The following NID2 variants were observed in gnomAD, a reference collection of about 807,000 sequenced individuals.
NID2 encodes nidogen-2.
NID2 carries 83 observed loss-of-function variants against 145.4 expected under a neutral mutation model. The ratio of observed to expected loss-of-function variants is 0.57; its 90% CI spans 0.48 to 0.69. The LOEUF is 0.69. Among genes scored for constraint, NID2 ranks in the 30% least tolerant of loss-of-function variants. NID2 has a pLI of 0.00. For missense variants in NID2, 1,807 were observed against 1,765.7 expected (o/e 1.02, Z -0.42); for synonymous variants, 739 against 701.3 (o/e 1.05, Z -0.85).
chr14:52,013,001 T>C (rs1426048519), intron 16 of NID2, among the ~76,000 whole-genome samples: 1 of 152,186 alleles, frequency 6.6e-6, no homozygotes, highest in Non-Finnish European at 1.5e-5. Context: ...GCAGCTTATA[T>C]GGGGGGCGGG....
At chr14:52,061,406 A>C (rs963808382) in intron 2 of NID2, among the ~76,000 whole-genome samples, 20 of 152,330 alleles carry the variant, frequency 1.3e-4, no homozygotes, top group African/African-American at 4.8e-4. Context: ...CCAAGTGTCT[A>C]CTTAAGCACC....
chr14:52,018,832 G>A (rs1005640637), intron 14 of NID2, among the ~76,000 whole-genome samples: 5 of 152,200 alleles, frequency 3.3e-5, no homozygotes, highest in Admixed American at 1.3e-4. Context: ...TACTGGACAA[G>A]GGTCTAAGAG....
chr14:52,015,133 C>A lies in NID2; in HGVS notation c.3171G>T (p.Lys1057Asn), dbSNP rs751334863. The change falls in exon 15 of 22, where the codon AAG becomes AAT. Residue 1057 changes from lysine to asparagine, a missense_variant. By Grantham distance (94) the Lys-to-Asn change is moderately conservative. Transcript: ENST00000216286. ...TGTCCACACACCAGCAGAAGTCGCT[C>A]TTTCCGTGGCACTGCAGGGGGATGA... Reference protein sequence around the residue: ...GHFIPLQCHGKSDFCWCVDKD... With the variant: ...GHFIPLQCHGNSDFCWCVDKD... 2.5e-6 allele frequency: 4 copies of A among 1,614,154 alleles called. No homozygotes were observed. The highest frequency in any genetic ancestry group is 3.4e-6 in the Non-Finnish European group (4 of 1,180,028).
Position 52,020,068 on chromosome 14 carries a change from A to G in NID2, c.2785T>C (p.Cys929Arg). Residue 929 changes from cysteine (C) to arginine (R), a missense_variant, in exon 13 of 22, where the codon TGC becomes CGC. Transcript: ENST00000216286. ...GCCCTCTGAAACTTACCAGGTATGCACTGAAATCCATCCCCATAATATCCG... is the reference window on the plus strand; with the variant it reads ...GCCCTCTGAAACTTACCAGGTATGCGCTGAAATCCATCCCCATAATATCCG... Reference protein sequence around the residue: ...QPGYYGDGFQCIPDSTSSLTP... With the variant: ...QPGYYGDGFQRIPDSTSSLTP... The G allele has an allele frequency of 3.7e-6, 6 of 1,614,012 alleles. No homozygotes were observed. The highest frequency in any genetic ancestry group is 3.4e-6 in the Non-Finnish European group (4 of 1,179,870).
rs1891318419 is a variant in NID2, at chr14:52,019,224, C to A, written c.2865G>T (p.Gly955=). The change falls in exon 14 of 22, where the codon GGG becomes GGT. Residue 955 remains glycine (G), a synonymous_variant. Coordinates refer to ENST00000216286, the MANE Select transcript of NID2 (RefSeq NM_007361.4). ...RHAQAQYAYP[G]ARFHIPQCDE... ...CGCATTGGGGGATGTGGAACCGGGC[C>A]CCAGGGTAGGCATACTGGGCCTGGG... 1 of 1,613,008 alleles carries A rather than the reference C, an allele frequency of 6.2e-7. No homozygotes were observed.
In NID2 at chr14:52,007,990, G is replaced by A. The variant is rs751657006; in HGVS notation, c.3723-23C>T. 35 of 1,588,368 alleles carry A rather than the reference G, an allele frequency of 2.2e-5. No homozygotes were observed. In the South Asian group the frequency reaches 3.6e-4, roughly 16 times the overall value. ...TTGCTGTAAGTTAAAAATCAAGATT[G>A]TAAAAGAATAGCCATGTAGCCTGTG... On this transcript the variant is annotated intron_variant, in intron 18 of 21. Transcript: ENST00000216286.
chr14:52,011,535 G>A lies in NID2; in HGVS notation c.3550+19C>T. The A allele has an allele frequency of 1.2e-6, 2 of 1,613,862 alleles. No individual in the cohort carries two copies. The highest frequency in any genetic ancestry group is 1.7e-6 in the Non-Finnish European group (2 of 1,179,942). On this transcript the variant is annotated intron_variant, in intron 17 of 21. Coordinates refer to ENST00000216286, the MANE Select transcript of NID2 (RefSeq NM_007361.4). The stretch of plus-strand genomic sequence containing the variant: ...TGTAGAATCAAATGAAATGCAGACT[G>A]CTGAGTGAAGCTGCTGACCTGAATT...
intron 20 of NID2, chr14:52,006,216 A>T: frequency 2.5e-6 from 1 of 393,730 alleles, no homozygotes; most frequent in South Asian, 2.9e-5. Flanking sequence ...AGCTCATGGT[A>T]TCAAGGGTAG....
At position 52,042,113 on chromosome 14, in the gene NID2, C is replaced by G; in HGVS notation, c.1817G>C (p.Ser606Thr). The change falls in exon 7 of 22, where the codon AGC becomes ACC. Residue 606 changes from serine to threonine, a missense_variant. Physicochemically the swap from Ser to Thr is moderately conservative, Grantham distance 58. Coordinates refer to ENST00000216286, the MANE Select transcript of NID2 (RefSeq NM_007361.4). ...TCAGAGGCCCTACTCACCTGCGAGG[C>G]TGAAGCCGTTCTCAGAGCCAGGTTT... ...LEKPGSENGF[S>T]LAGAAFTHDM... 6.3e-7 allele frequency: 1 copy of G among 1,595,586 alleles called. No homozygotes were observed. Among genetic ancestry groups the G allele is most frequent in the Non-Finnish European group, 8.6e-7 (1 of 1,169,262 alleles).
Position 52,011,440 on chromosome 14 carries a change from C to G in NID2, c.3550+114G>C, listed in dbSNP as rs189918794. 7.5e-6 allele frequency: 10 copies of G among 1,338,430 alleles called. No individual in the cohort carries two copies. In the East Asian group the frequency reaches 2.3e-4, roughly 31 times the overall value. The allele number at this position is 1,338,430 out of a possible 1,614,324, so 82.9% of individuals were successfully genotyped here. A position where few individuals can be genotyped will look rare whatever the true frequency, so the allele number is the denominator to read the frequency against. On this transcript the variant is annotated intron_variant, in intron 17 of 21. Transcript: ENST00000216286. ...TTATACAGCTCAATAAAATGACTTG[C>G]CTAGAACTTAACCTCCCCTAATGGA... is the stretch of plus-strand genomic sequence containing the variant.
intron 12 of NID2, 101 bp from the exon 13 acceptor site, chr14:52,020,279 A>G: frequency 6.5e-7 from 1 of 1,543,594 alleles, no homozygotes; most frequent in Middle Eastern, 1.9e-4. Context: ...ATCAACACCC[A>G]GTGAGGTGTC....
At chr14:52,011,766 C>G in intron 16 of NID2, 83 bp from the exon 17 acceptor site, 1 of 1,500,012 alleles carries the variant, frequency 6.7e-7, no homozygotes, top group Non-Finnish European at 9.2e-7. Context: ...TCATGCACAG[C>G]TGCAGTGAGC....
chr14:52,060,162 G>A lies in NID2; in HGVS notation c.729C>T (p.Ser243=). The part of the protein sequence containing the change: ...DDLKSEGPYF[S]LTSTEQSVKN... Reference sequence around the variant, plus strand: ...TCACAGACTGTTCAGTGCTAGTCAAGCTGAAATATGGTCCTTCTGACTTCA... The same window carrying A: ...TCACAGACTGTTCAGTGCTAGTCAAACTGAAATATGGTCCTTCTGACTTCA... The change falls in exon 3 of 22, where the codon AGC becomes AGT. Residue 243 remains serine, a synonymous_variant. Transcript: ENST00000216286. 1 of 1,613,814 alleles carries A rather than the reference G, an allele frequency of 6.2e-7. No individual in the cohort carries two copies. Among genetic ancestry groups the A allele is most frequent in the Non-Finnish European group, 8.5e-7 (1 of 1,179,790 alleles).
chr14:52,020,630 G>A (rs1452076996), intron 12 of NID2, among the ~76,000 whole-genome samples: 2 of 152,092 alleles, frequency 1.3e-5, no homozygotes, highest in Non-Finnish European at 2.9e-5. Context: ...TTCGTCTGTA[G>A]ATGCAAAGGA....
At chr14:52,048,156 G>C (rs570349952) in intron 5 of NID2, among the ~76,000 whole-genome samples, 39 of 152,304 alleles carry the variant, frequency 2.6e-4, no homozygotes, top group Admixed American at 2.0e-3. Flanking sequence ...CAGAATGTTA[G>C]GAAATTTCTC....
Position 52,054,424 on chromosome 14 carries a change from G to A in NID2, c.768-103C>T. ...CTTATTTTAAAACGGAAAGACAGCTGGGCATGGTGGCTCACACTTATAATC... is the reference window on the plus strand; with the variant it reads ...CTTATTTTAAAACGGAAAGACAGCTAGGCATGGTGGCTCACACTTATAATC... On this transcript the variant is annotated intron_variant, in intron 3 of 21. Transcript: ENST00000216286. The A allele has an allele frequency of 1.1e-5, 13 of 1,160,724 alleles. No homozygotes were observed. In the South Asian group the frequency reaches 1.7e-4, roughly 15 times the overall value. The allele number at this position is 1,160,724 out of a possible 1,614,324, so 71.9% of individuals were successfully genotyped here.
intron 9 of NID2, among the ~76,000 whole-genome samples, chr14:52,035,098 C>T (rs1255262403): frequency 2.0e-5 from 3 of 152,152 alleles, no homozygotes; most frequent in African/African-American, 7.2e-5. Flanking sequence ...CATTTGTTAT[C>T]CCCAATCAAT....
At chr14:52,037,742 T>G (rs958131318) in intron 9 of NID2, among the ~76,000 whole-genome samples, 7 of 152,250 alleles carry the variant, frequency 4.6e-5, no homozygotes, top group Non-Finnish European at 1.0e-4. Context: ...TTGGGAAGTA[T>G]TCACATCTTA....
chr14:52,064,410 C>T (rs1205555377), intron 2 of NID2, among the ~76,000 whole-genome samples: 4 of 152,198 alleles, frequency 2.6e-5, no homozygotes, highest in African/African-American at 7.2e-5. Flanking sequence ...AGGGTACTTA[C>T]GGTATCACAT....
Sources: gnomAD v4.1 joint callset for allele counts (sites outside exome capture counted in the v4.1 genomes callset) on GRCh38, gnomAD v4.1.1 for gene constraint, MANE v1.5 for transcripts, NCBI Gene and HGNC (gene_info 2026-07-23, HGNC 2026-07-21) for gene names.